KRABD5: variants seen among roughly 807,000 people sequenced by gnomAD.
KRABD5 encodes KRAB domain-containing protein 5.
At chr16:31,755,738 G>A in the KRABD5 span, 1 of 363,286 alleles carries the variant, frequency 2.8e-6, no homozygotes, top group Non-Finnish European at 5.4e-6. Context: ...AATGTGAAAA[G>A]AGTTTTATCC....
the KRABD5 span, among the ~76,000 whole-genome samples, chr16:31,743,273 T>C: frequency 4.6e-5 from 7 of 152,234 alleles, no homozygotes; most frequent in African/African-American, 9.6e-5. Context: ...TTTAAGTCTT[T>C]AGTCCATCTT....
the KRABD5 span, among the ~76,000 whole-genome samples, chr16:31,740,462 T>C: frequency 6.6e-6 from 1 of 152,118 alleles, no homozygotes; most frequent in South Asian, 2.1e-4. Context: ...TGCATTTTTG[T>C]CTTCTTTTGT....
the KRABD5 span, chr16:31,754,961 T>C: frequency 1.3e-5 from 6 of 450,136 alleles, no homozygotes; most frequent in East Asian, 3.5e-4. Flanking sequence ...AGAAAAACTT[T>C]ACAAATGTAA....
the KRABD5 span, chr16:31,759,530 G>A: frequency 9.5e-7 from 1 of 1,048,864 alleles, no homozygotes; most frequent in East Asian, 2.7e-5. Context: ...GCCTTGCAAT[G>A]TATGTACATC....
the KRABD5 span, among the ~76,000 whole-genome samples, chr16:31,719,554 C>T: frequency 6.6e-6 from 1 of 152,158 alleles, no homozygotes; most frequent in African/African-American, 2.4e-5. Context: ...AAGCCTAGGG[C>T]CTGACCCGTG....
chr16:31,754,061 A>G, the KRABD5 span: 2 of 881,088 alleles, frequency 2.3e-6, no homozygotes, highest in East Asian at 5.3e-5. Flanking sequence ...GTAAGTGTCA[A>G]CATCAATTTT....
chr16:31,736,781 A>C, the KRABD5 span, among the ~76,000 whole-genome samples: 1 of 152,004 alleles, frequency 6.6e-6, no homozygotes, highest in Admixed American at 6.5e-5. Context: ...CAGCTTCCCA[A>C]AGTGCTGGGA....
At chr16:31,715,056 G>A in the KRABD5 span, among the ~76,000 whole-genome samples, 1 of 152,088 alleles carries the variant, frequency 6.6e-6, no homozygotes, top group African/African-American at 2.4e-5. Context: ...GGAAGGGCAC[G>A]ACTCCTGGAC....
At chr16:31,739,283 C>G in the KRABD5 span, among the ~76,000 whole-genome samples, 1 of 151,940 alleles carries the variant, frequency 6.6e-6, no homozygotes, top group African/African-American at 2.4e-5. Context: ...TTGAATATTC[C>G]TTATTTCAAA....
chr16:31,735,965 C>A, the KRABD5 span, among the ~76,000 whole-genome samples: 1 of 152,070 alleles, frequency 6.6e-6, no homozygotes, highest in Non-Finnish European at 1.5e-5. Flanking sequence ...GCTTTGAAGT[C>A]GGAATTTCCA....
At chr16:31,714,497 G>C in the KRABD5 span, 2 of 450,294 alleles carry the variant, frequency 4.4e-6, no homozygotes, top group Middle Eastern at 3.6e-4. Context: ...TCCTGGGGTA[G>C]GTTTTAGAGC....
chr16:31,714,069 G>A, the KRABD5 span, among the ~76,000 whole-genome samples: 1 of 152,182 alleles, frequency 6.6e-6, no homozygotes, highest in Admixed American at 6.5e-5. Flanking sequence ...AAAATATCAG[G>A]TCCTCTCTTT....
chr16:31,731,557 G>A, the KRABD5 span, among the ~76,000 whole-genome samples: 2 of 152,198 alleles, frequency 1.3e-5, no homozygotes, highest in African/African-American at 4.8e-5. Context: ...GAGAGGGTCT[G>A]GAACTGATTC....
the KRABD5 span, chr16:31,755,449 T>C: frequency 2.1e-6 from 1 of 472,364 alleles, no homozygotes; most frequent in Non-Finnish European, 4.3e-6. Context: ...AGAGAATTCA[T>C]ACTGGAGTAA....
At chr16:31,743,465 T>A in the KRABD5 span, among the ~76,000 whole-genome samples, 2 of 152,186 alleles carry the variant, frequency 1.3e-5, no homozygotes, top group African/African-American at 4.8e-5. Flanking sequence ...GTCTCTATTC[T>A]GTTCCATTGG....
the KRABD5 span, among the ~76,000 whole-genome samples, chr16:31,737,261 G>A: frequency 1.3e-5 from 2 of 152,094 alleles, no homozygotes; most frequent in East Asian, 1.9e-4. Context: ...AAATGAAATC[G>A]TCCTTGTTTA....
At chr16:31,759,532 A>G in the KRABD5 span, 12 of 1,030,274 alleles carry the variant, frequency 1.2e-5, no homozygotes, top group African/African-American at 1.1e-4. Context: ...CTTGCAATGT[A>G]TGTACATCTT....
the KRABD5 span, among the ~76,000 whole-genome samples, chr16:31,746,960 C>T: frequency 1.3e-5 from 2 of 151,460 alleles, no homozygotes; most frequent in Non-Finnish European, 2.9e-5. Flanking sequence ...TGTTTCTCAG[C>T]TCCATCAGGT....
At chr16:31,723,197 T>C in the KRABD5 span, 1 of 1,545,722 alleles carries the variant, frequency 6.5e-7, no homozygotes, top group East Asian at 2.3e-5. Context: ...CTGAGTATCC[T>C]ACTGAGCTGG....
Sources: allele counts gnomAD v4.1 joint callset (sites outside exome capture counted in the v4.1 genomes callset), GRCh38; gene constraint gnomAD v4.1.1; transcripts MANE v1.5; gene names NCBI Gene and HGNC (gene_info 2026-07-23, HGNC 2026-07-21).